The following SBF2 variants were observed in gnomAD, a reference collection of about 807,000 sequenced individuals.
SBF2 encodes the protein myotubularin-related protein 13.
In SBF2, 112 loss-of-function variants were observed where a neutral mutation model predicts 225.2. The ratio of observed to expected loss-of-function variants is 0.50; its 90% CI spans 0.43 to 0.58. The LOEUF (loss-of-function observed/expected upper bound fraction) is 0.58, where lower values mean the gene tolerates loss of function less well. Ranked by LOEUF, SBF2 falls within the 20% of genes least tolerant of loss-of-function variation. The pLI is 0.00. For missense variants in SBF2, 1,996 were observed against 2,206.2 expected (o/e 0.90, Z 1.91); for synonymous variants, 763 against 773.3 (o/e 0.99, Z 0.22).
intron 7 of SBF2, among the ~76,000 whole-genome samples, chr11:10,001,563 C>T (rs1281973348): frequency 1.3e-5 from 2 of 150,946 alleles, no homozygotes; most frequent in Non-Finnish European, 2.9e-5. Flanking sequence ...CTCACGCTGT[C>T]GCCCAGGCTG....
chr11:10,297,768 T>G (rs142345767), upstream of SBF2, among the ~76,000 whole-genome samples: 1 of 152,388 alleles, frequency 6.6e-6, no homozygotes, highest in African/African-American at 2.4e-5. Context: ...ACAGAGATTT[T>G]AACATATCCT....
intron 1 of SBF2, among the ~76,000 whole-genome samples, chr11:10,290,900 T>C (rs1964120302): frequency 6.6e-6 from 1 of 152,162 alleles, no homozygotes; most frequent in Non-Finnish European, 1.5e-5. Context: ...ACACTAGCCT[T>C]GAGATCTTAG....
intron 2 of SBF2, among the ~76,000 whole-genome samples, chr11:10,187,820 A>C (rs1956994615): frequency 6.6e-6 from 1 of 152,208 alleles, no homozygotes; most frequent in African/African-American, 2.4e-5. Flanking sequence ...AAAAGCTAGC[A>C]TTACCTTAAC....
intron 17 of SBF2, among the ~76,000 whole-genome samples, chr11:9,864,683 A>C (rs55782221): frequency 0.18 from 26,817 of 151,950 alleles, 3,004 homozygotes; most frequent in Non-Finnish European, 0.25. Flanking sequence ...CACCAGGCCC[A>C]GTTGAACTCT....
intron 6 of SBF2, among the ~76,000 whole-genome samples, chr11:10,013,625 T>C (rs1948537044): frequency 6.6e-6 from 1 of 152,224 alleles, no homozygotes; most frequent in African/African-American, 2.4e-5. Flanking sequence ...TTTTGTCCAA[T>C]GCTGTCCAAT....
At chr11:10,069,166 G>C (rs1218974703) in intron 2 of SBF2, among the ~76,000 whole-genome samples, 1 of 151,908 alleles carries the variant, frequency 6.6e-6, no homozygotes, top group Non-Finnish European at 1.5e-5. Context: ...AACTAATTTT[G>C]ATTTTTTTAT....
intron 9 of SBF2, among the ~76,000 whole-genome samples, chr11:9,995,729 C>T (rs981905761): frequency 6.6e-6 from 1 of 150,892 alleles, no homozygotes; most frequent in East Asian, 1.9e-4. Flanking sequence ...CGGCTCACTG[C>T]GACCTCCGCC....
At chr11:9,873,636 G>T (rs1387500289) in intron 17 of SBF2, among the ~76,000 whole-genome samples, 3 of 152,206 alleles carry the variant, frequency 2.0e-5, no homozygotes, top group African/African-American at 7.2e-5. Flanking sequence ...GGATCTGCAT[G>T]AGCAGTGAGG....
intron 1 of SBF2, among the ~76,000 whole-genome samples, chr11:10,247,472 G>A (rs1959915886): frequency 6.6e-6 from 1 of 151,194 alleles, no homozygotes; most frequent in Non-Finnish European, 1.5e-5. Context: ...CTTGAGGTCA[G>A]GAGTTCGAGA....
intron 14 of SBF2, among the ~76,000 whole-genome samples, chr11:9,967,554 G>C (rs1249678572): frequency 6.6e-6 from 1 of 152,124 alleles, no homozygotes; most frequent in Non-Finnish European, 1.5e-5. Context: ...TATAAGGCTG[G>C]GGAGAAGGTG....
In SBF2 at chr11:10,182,057, C is replaced by T. The variant is rs139609258; in HGVS notation, c.141+11845G>A. The stretch of plus-strand genomic sequence containing the variant: ...AGTTATTCTGGCTAGCTTAAAGGTA[C>T]TTTAAATTAAGCTAAGTTACAAGGA... On this transcript the variant is annotated intron_variant, in intron 2 of 39. Transcript: ENST00000256190. 2.6e-3 allele frequency among the ~76,000 whole-genome samples: 399 copies of T among 152,108 alleles called. 2 individuals are homozygous for T. The highest frequency in any genetic ancestry group is 6.6e-3 in the South Asian group (32 of 4,830).
intron 2 of SBF2, chr11:10,149,701 T>C (rs1190675469): frequency 3.3e-5 from 5 of 152,182 alleles, no homozygotes; most frequent in African/African-American, 9.6e-5. Context: ...CAATTCAAAA[T>C]GTCAATTTCT....
chr11:9,812,133 A>T (rs1221522105), intron 30 of SBF2, among the ~76,000 whole-genome samples: 1 of 152,126 alleles, frequency 6.6e-6, no homozygotes, highest in Non-Finnish European at 1.5e-5. Flanking sequence ...GGATAGGCAG[A>T]CAAATGAAAG....
intron 26 of SBF2, among the ~76,000 whole-genome samples, chr11:9,836,608 A>G (rs1407362572): frequency 1.3e-5 from 2 of 152,152 alleles, no homozygotes; most frequent in African/African-American, 4.8e-5. Flanking sequence ...TCTTAGAATT[A>G]CCTTTTCAGT....
chr11:10,045,827 C>T (rs1324937133), intron 2 of SBF2, among the ~76,000 whole-genome samples: 2 of 152,034 alleles, frequency 1.3e-5, no homozygotes, highest in Admixed American at 6.5e-5. Context: ...TAATAACTTT[C>T]CAAAACAGAA....
At chr11:10,252,222 A>G (rs2135489037) in intron 1 of SBF2, among the ~76,000 whole-genome samples, 1 of 152,370 alleles carries the variant, frequency 6.6e-6, no homozygotes, top group Non-Finnish European at 1.5e-5. Context: ...AAGTACATTT[A>G]CAATGGTGAT....
chr11:9,949,732 T>C (rs754126891), intron 16 of SBF2, among the ~76,000 whole-genome samples: 2 of 152,160 alleles, frequency 1.3e-5, no homozygotes, highest in Admixed American at 6.5e-5. Context: ...TTTCTTTATA[T>C]TGTATCTATC....
intron 2 of SBF2, among the ~76,000 whole-genome samples, chr11:10,186,378 A>G (rs1454033410): frequency 2.0e-5 from 3 of 152,138 alleles, no homozygotes; most frequent in Non-Finnish European, 4.4e-5. Context: ...TAAGAAAAAT[A>G]AGAAAATAGC....
rs1964620635 is a variant in SBF2 at position 10,303,671 on chromosome 11, G to GACAAA, written n.386+820_386+821insTTTGT. On this transcript the variant is annotated intron_variant and non_coding_transcript_variant, in intron 1 of 5. Transcript: ENST00000685217. This position sits in a 1 kb window ranked among gnomAD's most constrained non-coding sequence, Gnocchi z 5.2. ...AATTGCCGGGAGGTGAGGACTAGAAGCCTGTTTGGCTAGTGGTCTCGCACC... is the reference window on the plus strand; with the variant it reads ...AATTGCCGGGAGGTGAGGACTAGAAGACAAACCTGTTTGGCTAGTGGTCTCGCACC... 6.6e-6 allele frequency: 1 copy of GACAAA among 152,302 alleles called. No homozygotes were observed. The highest frequency in any genetic ancestry group is 1.9e-4 in the East Asian group (1 of 5,180). The allele number at this position is 152,302 out of a possible 1,614,324, so 9.4% of individuals were successfully genotyped here. A position where few individuals can be genotyped will look rare whatever the true frequency, so the allele number is the denominator to read the frequency against.
Sources: allele counts gnomAD v4.1 joint callset (sites outside exome capture counted in the v4.1 genomes callset), GRCh38; gene constraint gnomAD v4.1.1; non-coding constraint Gnocchi (gnomAD v3.1); transcripts MANE v1.5; gene names NCBI Gene and HGNC (gene_info 2026-07-23, HGNC 2026-07-21).